SHLD1: variants seen among roughly 807,000 people sequenced by gnomAD.
SHLD1 encodes RINN1-REV7-interacting novel NHEJ regulator 3.
In SHLD1, 3 loss-of-function variants were observed where a neutral mutation model predicts 5.5. The ratio of observed to expected loss-of-function variants is 0.54; its 90% CI spans 0.25 to 1.40. SHLD1 has a LOEUF of 1.40. Among genes scored for constraint, SHLD1 ranks in the 40% most tolerant of loss-of-function variants. SHLD1 has a pLI of 0.15. For synonymous variants in SHLD1, 92 were observed against 94.3 expected, an observed-to-expected ratio of 0.98 and a Z score of 0.14; for missense variants, 210 against 244.4, an observed-to-expected ratio of 0.86 and a Z score of 0.94.
chr20:5,849,350 G>A (rs909461427), intron 2 of SHLD1, among the ~76,000 whole-genome samples: 47 of 152,316 alleles, frequency 3.1e-4, no homozygotes, highest in African/African-American at 1.1e-3. Context: ...GGAAGTGGGA[G>A]AAATGCCAGT....
chr20:5,750,516 T>TGGGGGGGG (rs1983681782), intron 1 of SHLD1, 37 bp downstream of exon 1: 3 of 17,452 alleles, frequency 1.7e-4, no homozygotes, highest in Non-Finnish European at 3.2e-4. Context: ...GTTGGAGTGG[T>TGGGGGGGG]GGGGGCGGGG....
At chr20:5,810,689 T>A (rs2087446795) in intron 2 of SHLD1, among the ~76,000 whole-genome samples, 1 of 150,854 alleles carries the variant, frequency 6.6e-6, no homozygotes, top group African/African-American at 2.4e-5. Context: ...AGATCAAGAG[T>A]TTTGAGACCA....
At chr20:5,817,974 C>G (rs1308977508) in intron 2 of SHLD1, among the ~76,000 whole-genome samples, 1 of 152,194 alleles carries the variant, frequency 6.6e-6, no homozygotes, top group East Asian at 1.9e-4. Context: ...ATCTTGCGTC[C>G]CTTCTCTCAG....
intron 2 of SHLD1, among the ~76,000 whole-genome samples, chr20:5,822,678 C>G (rs974804042): frequency 6.6e-6 from 1 of 151,738 alleles, no homozygotes; most frequent in African/African-American, 2.4e-5. Flanking sequence ...AAGGCCAGCC[C>G]CTCCACTTAA....
At chr20:5,786,747 A>G (rs1380666444) in intron 2 of SHLD1, among the ~76,000 whole-genome samples, 11 of 152,164 alleles carry the variant, frequency 7.2e-5, no homozygotes, top group Admixed American at 7.2e-4. Flanking sequence ...CTCCCCACTG[A>G]ATCTATTAAC....
At chr20:5,792,019 A>G (rs751960677) in intron 2 of SHLD1, among the ~76,000 whole-genome samples, 2 of 152,192 alleles carry the variant, frequency 1.3e-5, no homozygotes, top group Non-Finnish European at 2.9e-5. Context: ...AGAAACATCT[A>G]TTGAAATCCT....
intron 2 of SHLD1, among the ~76,000 whole-genome samples, chr20:5,817,354 T>C (rs2087542536): frequency 6.6e-6 from 1 of 151,604 alleles, no homozygotes; most frequent in Non-Finnish European, 1.5e-5. Context: ...GCTTATCAAC[T>C]TGATCCTTTC....
intron 1 of SHLD1, among the ~76,000 whole-genome samples, chr20:5,768,570 G>A (rs532652380): frequency 4.6e-5 from 7 of 152,322 alleles, no homozygotes; most frequent in Non-Finnish European, 8.8e-5. Context: ...TTGACTGACT[G>A]CATGTTTGGT....
chr20:5,765,796 T>TTTA (rs1182751082), intron 1 of SHLD1, among the ~76,000 whole-genome samples: 1 of 142,968 alleles, frequency 7.0e-6, no homozygotes, highest in Non-Finnish European at 1.5e-5. Flanking sequence ...TTTTTTTTTT[T>TTTA]AAGTAGAGGA....
At position 5,863,046 on chromosome 20, in the gene SHLD1, A is replaced by C; in HGVS notation, c.201A>C (p.Glu67Asp). 1 of 1,605,416 alleles carries C rather than the reference A, an allele frequency of 6.2e-7. No homozygotes were observed. Among genetic ancestry groups the C allele is most frequent in the Non-Finnish European group, 8.5e-7 (1 of 1,176,906 alleles). Residue 67 changes from glutamate to aspartate, a missense_variant, in exon 3 of 3, where the codon GAA becomes GAC. Transcript: ENST00000303142. ...VDPDTSNLNI[E>D]QNNSWTAENF... Reference sequence around the variant, plus strand: ...CAGACACCAGTAACTTAAATATAGAACAAAATAACTCCTGGACCGCTGAGA... The same window carrying C: ...CAGACACCAGTAACTTAAATATAGACCAAAATAACTCCTGGACCGCTGAGA...
chr20:5,763,600 A>C (rs1984602392), intron 1 of SHLD1, among the ~76,000 whole-genome samples: 1 of 152,150 alleles, frequency 6.6e-6, no homozygotes, highest in Non-Finnish European at 1.5e-5. Flanking sequence ...ACACATGGAC[A>C]ACCATACTCT....
intron 2 of SHLD1, among the ~76,000 whole-genome samples, chr20:5,810,814 C>A (rs914493487): frequency 9.3e-5 from 14 of 150,802 alleles, no homozygotes; most frequent in African/African-American, 3.4e-4. Flanking sequence ...GCAGGAGAAT[C>A]GCTTGAACCC....
chr20:5,817,452 G>C (rs2087550286), intron 2 of SHLD1, among the ~76,000 whole-genome samples: 2 of 145,916 alleles, frequency 1.4e-5, no homozygotes, highest in Non-Finnish European at 3.1e-5. Context: ...GTGTGTGTGT[G>C]TGTGTGTGTG....
intron 2 of SHLD1, among the ~76,000 whole-genome samples, chr20:5,833,766 A>C (rs1313401948): frequency 6.6e-6 from 1 of 151,904 alleles, no homozygotes. Flanking sequence ...ATTTGGATTC[A>C]TGTCTAGACA....
chr20:5,813,183 G>C (rs1333891714), intron 2 of SHLD1, among the ~76,000 whole-genome samples: 1 of 151,724 alleles, frequency 6.6e-6, no homozygotes, highest in East Asian at 1.9e-4. Context: ...GTCTTTAAAG[G>C]GCTTTTTAAA....
chr20:5,814,979 C>T (rs1279159602), intron 2 of SHLD1, among the ~76,000 whole-genome samples: 1 of 152,084 alleles, frequency 6.6e-6, no homozygotes, highest in African/African-American at 2.4e-5. Flanking sequence ...TAATGACACA[C>T]AACACCAGAG....
intron 2 of SHLD1, among the ~76,000 whole-genome samples, chr20:5,846,044 C>G (rs1294163174): frequency 1.3e-5 from 2 of 152,208 alleles, no homozygotes; most frequent in African/African-American, 4.8e-5. Context: ...AACAAAACTT[C>G]TATGGCATAT....
intron 2 of SHLD1, among the ~76,000 whole-genome samples, chr20:5,824,057 T>G (rs2087638391): frequency 1.3e-5 from 2 of 152,196 alleles, no homozygotes; most frequent in Non-Finnish European, 2.9e-5. Context: ...TCAGTGCGCT[T>G]AGGACACAAT....
chr20:5,786,377 G>A lies in SHLD1; in HGVS notation c.178+13334G>A, dbSNP rs114545254. On this transcript the variant is annotated intron_variant, in intron 2 of 2. Coordinates refer to ENST00000303142, the MANE Select transcript of SHLD1 (RefSeq NM_152504.4). ...GGTTCGCTTGAAGCCAGGAGTTCGA[G>A]ACCAGCCTGGCCAACATAGCAAGAC... Among the ~76,000 whole-genome samples the A allele has an allele frequency of 8.2e-3, 1,251 of 152,250 alleles. 20 individuals are homozygous for A. The highest frequency in any genetic ancestry group is 0.029 in the African/African-American group (1,193 of 41,536).
Sources: allele counts gnomAD v4.1 joint callset (sites outside exome capture counted in the v4.1 genomes callset), GRCh38; gene constraint gnomAD v4.1.1; transcripts MANE v1.5; gene names NCBI Gene and HGNC (gene_info 2026-07-23, HGNC 2026-07-21).